Variants in MIPOL1 observed in about 807,000 individuals in gnomAD.
MIPOL1 encodes mirror-image polydactyly 1.
Under a neutral mutation model 60.9 loss-of-function variants are expected in MIPOL1, and 57 were observed. The ratio of observed to expected loss-of-function variants is 0.94; its 90% CI spans 0.76 to 1.17. The LOEUF (loss-of-function observed/expected upper bound fraction) is 1.17, where lower values mean the gene tolerates loss of function less well. MIPOL1 is among the 50% of genes most tolerant of loss of function. The probability of loss-of-function intolerance (pLI) is 0.00; values close to 1 mark genes in which losing one functional copy is unlikely to be tolerated. For missense variants in MIPOL1, 551 were observed against 511.6 expected (o/e 1.08, Z -0.74); for synonymous variants, 179 against 168.8 (o/e 1.06, Z -0.47).
chr14:37,200,355 A>G (rs1965031514), intron 1 of MIPOL1, among the ~76,000 whole-genome samples: 1 of 152,222 alleles, frequency 6.6e-6, no homozygotes, highest in Non-Finnish European at 1.5e-5. Flanking sequence ...TTAAAAGATA[A>G]CTTTAGGCAC....
chr14:37,259,905 A>C (rs1301500025), intron 3 of MIPOL1, among the ~76,000 whole-genome samples: 1 of 152,018 alleles, frequency 6.6e-6, no homozygotes, highest in African/African-American at 2.4e-5. Flanking sequence ...TCTGCCACCA[A>C]CCTTTTCTTT....
rs2095550262 is a variant in MIPOL1, at chr14:37,547,023, CT to C, written c.*54del. 1 of 1,486,342 alleles carries C rather than the reference CT, an allele frequency of 6.7e-7. No individual in the cohort carries two copies. Among genetic ancestry groups the C allele is most frequent in the Non-Finnish European group, 9.4e-7 (1 of 1,065,666 alleles). 92.1% of individuals were successfully genotyped at this position (1,486,342 alleles called of 1,614,324 possible). The stretch of plus-strand genomic sequence containing the variant: ...GCGATCACATCTGGTGACCAGGCTG[CT>C]TCATTCAACACTGTGTAAACACCAA... On this transcript the variant is annotated 3_prime_UTR_variant, in exon 13 of 13. Transcript: ENST00000684589.
intron 12 of MIPOL1, among the ~76,000 whole-genome samples, chr14:37,520,282 A>G (rs535555851): frequency 3.3e-5 from 5 of 152,154 alleles, no homozygotes; most frequent in Non-Finnish European, 7.4e-5. Context: ...ATTCCCTGTT[A>G]ATCAAAATTT....
intron 12 of MIPOL1, chr14:37,503,272 A>C (rs1239138924): frequency 6.6e-6 from 1 of 152,210 alleles, no homozygotes; most frequent in East Asian, 1.9e-4. Flanking sequence ...AACATCACAA[A>C]GATACTCCTT....
chr14:37,482,648 G>T (rs758334901), intron 11 of MIPOL1, among the ~76,000 whole-genome samples: 4 of 152,144 alleles, frequency 2.6e-5, no homozygotes, highest in Non-Finnish European at 5.9e-5. Context: ...ACTATCATGA[G>T]AACAGCACTG....
rs572318691 is a variant in MIPOL1, at chr14:37,294,099, T to C, written c.623+8652T>C. Among the ~76,000 whole-genome samples the C allele has an allele frequency of 3.9e-4, 60 of 152,228 alleles. 1 individual carries two copies. The highest frequency in any genetic ancestry group is 2.1e-3 in the South Asian group (10 of 4,826). On this transcript the variant is annotated intron_variant, in intron 7 of 12. Transcript: ENST00000684589. The stretch of plus-strand genomic sequence containing the variant: ...GACACCTCACACGGCCGGGAACTCC[T>C]CTGAGACAAAACTTCTAGAGGAACG...
chr14:37,430,040 T>C (rs968510181), intron 11 of MIPOL1, among the ~76,000 whole-genome samples: 1 of 152,150 alleles, frequency 6.6e-6, no homozygotes, highest in Non-Finnish European at 1.5e-5. Flanking sequence ...TTCTAATCAG[T>C]AGTGTCAGTT....
intron 12 of MIPOL1, among the ~76,000 whole-genome samples, chr14:37,510,270 A>G (rs1452296168): frequency 6.6e-6 from 1 of 152,122 alleles, no homozygotes; most frequent in East Asian, 1.9e-4. Context: ...TTTATGAGAC[A>G]GGGTCTTGCT....
At chr14:37,431,530 C>T (rs564231386) in intron 11 of MIPOL1, among the ~76,000 whole-genome samples, 3 of 141,676 alleles carry the variant, frequency 2.1e-5, no homozygotes, top group East Asian at 2.2e-4. Flanking sequence ...TTTAATGTAA[C>T]GTTCATGAAC....
At chr14:37,390,263 C>T (rs1235364169) in intron 10 of MIPOL1, among the ~76,000 whole-genome samples, 23 of 151,740 alleles carry the variant, frequency 1.5e-4, no homozygotes, top group Non-Finnish European at 3.4e-4. Context: ...GGCTAACTGA[C>T]CCCCATATTC....
intron 12 of MIPOL1, chr14:37,504,922 TCACCACCAATCCCACA>T (rs2095260918): frequency 1.3e-5 from 2 of 152,016 alleles, no homozygotes; most frequent in Non-Finnish European, 2.9e-5. Context: ...AAAGGGGATA[TCACCACCAATCCCACA>T]GAAATACAAA....
In MIPOL1 at chr14:37,511,604, C is replaced by T. The variant is rs73253778; in HGVS notation, c.1262+11466C>T. Among the ~76,000 whole-genome samples, 83 of 152,282 alleles carry T rather than the reference C, an allele frequency of 5.5e-4. 1 individual carries two copies. The highest frequency in any genetic ancestry group is 2.0e-3 in the African/African-American group (82 of 41,564). ...TTTGTGATTCTTTATGCTATAGTTT[C>T]GTTTCCATCTACAAGTATGCTTGCT... On this transcript the variant is annotated intron_variant, in intron 12 of 12. Coordinates refer to ENST00000684589, the MANE Select transcript of MIPOL1 (RefSeq NM_001388067.1).
intron 3 of MIPOL1, among the ~76,000 whole-genome samples, chr14:37,256,079 T>G (rs1974872611): frequency 6.6e-6 from 1 of 151,908 alleles, no homozygotes; most frequent in African/African-American, 2.4e-5. Context: ...ACTGTAAAAT[T>G]AACACAGTTA....
At chr14:37,213,197 A>G (rs940052980) in intron 1 of MIPOL1, among the ~76,000 whole-genome samples, 1 of 150,860 alleles carries the variant, frequency 6.6e-6, no homozygotes, top group African/African-American at 2.4e-5. Context: ...TCAGGAAGAC[A>G]TGACCTCATC....
At chr14:37,294,053 A>T (rs1197499111) in intron 7 of MIPOL1, among the ~76,000 whole-genome samples, 1 of 152,178 alleles carries the variant, frequency 6.6e-6, no homozygotes, top group Admixed American at 6.5e-5. Flanking sequence ...ACTGGGAGGC[A>T]TCCCCCAGTA....
At chr14:37,395,614 AG>A (rs2093356866) in intron 10 of MIPOL1, among the ~76,000 whole-genome samples, 1 of 152,132 alleles carries the variant, frequency 6.6e-6, no homozygotes, top group Non-Finnish European at 1.5e-5. Context: ...TCTTGTGTCT[AG>A]AAACTTTGCT....
chr14:37,300,320 C>T, intron 7 of MIPOL1, among the ~76,000 whole-genome samples: 1 of 143,600 alleles, frequency 7.0e-6, no homozygotes, highest in Non-Finnish European at 1.5e-5. Context: ...TGTCTCTTTT[C>T]CCATTTATTC....
chr14:37,498,660 A>T (rs1011818), intron 11 of MIPOL1, among the ~76,000 whole-genome samples: 111,165 of 151,966 alleles, frequency 0.73, 40,822 homozygotes, highest in East Asian at 0.85. Flanking sequence ...GGCACTACAC[A>T]CTATTCTAAT....
Position 37,465,072 on chromosome 14 carries a change from A to C in MIPOL1, c.1032-34836A>C, listed in dbSNP as rs138862031. On this transcript the variant is annotated intron_variant, in intron 11 of 12. Transcript: ENST00000684589. ...CCAAAATTTGAGAAGTAGGAAAATAACTTTATAATAAACATTTCAGAGATC... is the reference window on the plus strand; with the variant it reads ...CCAAAATTTGAGAAGTAGGAAAATACCTTTATAATAAACATTTCAGAGATC... Among the ~76,000 whole-genome samples the C allele has an allele frequency of 6.0e-3, 910 of 152,292 alleles. 5 individuals are homozygous for C. The highest frequency in any genetic ancestry group is 0.02 in the African/African-American group (815 of 41,556).
Sources: allele counts gnomAD v4.1 joint callset (sites outside exome capture counted in the v4.1 genomes callset), GRCh38; gene constraint gnomAD v4.1.1; transcripts MANE v1.5; gene names NCBI Gene and HGNC (gene_info 2026-07-23, HGNC 2026-07-21).